The following CCR6 variants were observed in gnomAD, a reference collection of about 807,000 sequenced individuals.
The protein encoded by CCR6 is C-C chemokine receptor type 6.
Under a neutral mutation model 3.0 loss-of-function variants are expected in CCR6, and 2 were observed. The observed-to-expected ratio is 0.66, with a 90% CI of 0.27 to 2.07. The LOEUF is 2.07. Ranked by LOEUF, CCR6 falls within the 30% of genes most tolerant of loss-of-function variation. The pLI is 0.14. For missense variants in CCR6, 322 were observed against 462.8 expected, an observed-to-expected ratio of 0.70 and a Z score of 2.79; for synonymous variants, 193 against 184.3, an observed-to-expected ratio of 1.05 and a Z score of -0.38.
rs551786663 is a variant in CCR6 at position 167,133,407 on chromosome 6, C to T, written c.-97-2631C>T. Among the ~76,000 whole-genome samples the T allele has an allele frequency of 5.3e-5, 8 of 152,222 alleles. No individual in the cohort carries two copies. The South Asian group carries it at 1.0e-3, about 20-fold the overall frequency. The stretch of plus-strand genomic sequence containing the variant: ...TTGGCACCTAAGTTAAAAATCAGTC[C>T]GCCATCTATATGTGGATCTATGTCT... On this transcript the variant is annotated intron_variant, in intron 1 of 2. Transcript: ENST00000341935.
At chr6:167,129,714 A>G (rs534240968) in intron 1 of CCR6, 1 of 151,804 alleles carries the variant, frequency 6.6e-6, no homozygotes, top group Non-Finnish European at 1.5e-5. Flanking sequence ...TTCCTGGTGA[A>G]GGAGATACTC....
intron 1 of CCR6, among the ~76,000 whole-genome samples, chr6:167,130,973 A>T (rs5881730): frequency 1.2e-5 from 1 of 80,054 alleles, no homozygotes; most frequent in South Asian, 4.7e-4. Context: ...TCCCTCTGGG[A>T]CCACCCTCCC....
rs2114940109 is a variant in CCR6, at chr6:167,136,815, T to C, written c.585T>C (p.Asp195=). Residue 195 remains aspartate (D), a synonymous_variant, in exon 3 of 3, where the codon GAT becomes GAC. Coordinates refer to ENST00000341935, the MANE Select transcript of CCR6 (RefSeq NM_031409.4). The surrounding 1 kb of genome is among the most constrained non-coding windows in gnomAD (Gnocchi z 4.6). The part of the protein sequence containing the change: ...FNQKYNTQGS[D]VCEPKYQTVS... ...AAAAATACAACACCCAAGGCAGCGA[T>C]GTCTGTGAACCCAAGTACCAGACTG... is the stretch of plus-strand genomic sequence containing the variant. 2 of 1,614,144 alleles carry C rather than the reference T, an allele frequency of 1.2e-6. No individual in the cohort carries two copies. The highest frequency in any genetic ancestry group is 2.2e-5 in the South Asian group (2 of 91,086).
chr6:167,118,929 C>T (rs918966944), upstream of CCR6, among the ~76,000 whole-genome samples: 2 of 152,156 alleles, frequency 1.3e-5, no homozygotes, highest in Non-Finnish European at 2.9e-5. Context: ...GCAGGGCTGC[C>T]GCCAGGAGGA....
In CCR6 at chr6:167,138,289, T is replaced by G. The variant is rs1218891902; in HGVS notation, c.*934T>G. ...GTTTAAAATGTTAGATGTTTTTAATTTTTTAAATAAATGGAATACTTTTTT... is the reference window on the plus strand; with the variant it reads ...GTTTAAAATGTTAGATGTTTTTAATGTTTTAAATAAATGGAATACTTTTTT... On this transcript the variant is annotated 3_prime_UTR_variant, in exon 3 of 3. Transcript: ENST00000341935. 1 of 146,040 alleles carries G rather than the reference T, an allele frequency of 6.8e-6. No homozygotes were observed. The highest frequency in any genetic ancestry group is 2.6e-5 in the African/African-American group (1 of 38,934). The allele number at this position is 146,040 out of a possible 1,614,324, so 9.0% of individuals were successfully genotyped here.
intron 1 of CCR6, chr6:167,116,929 G>T (rs188661136): frequency 3.9e-5 from 6 of 152,412 alleles, no homozygotes; most frequent in African/African-American, 1.4e-4. Flanking sequence ...AACAGGAAGA[G>T]CCAGGAAGAT....
At chr6:167,132,479 GC>G (rs1182258088) in intron 1 of CCR6, among the ~76,000 whole-genome samples, 2 of 152,104 alleles carry the variant, frequency 1.3e-5, no homozygotes, top group Admixed American at 1.3e-4. Context: ...CCAGCTTCCA[GC>G]CCCCTGTTTA....
At chr6:167,120,036 G>A (rs1177092416), upstream of CCR6, among the ~76,000 whole-genome samples, 1 of 152,074 alleles carries the variant, frequency 6.6e-6, no homozygotes, top group African/African-American at 2.4e-5. Context: ...CAGAAGTTTT[G>A]TGCGCACAAT....
At chr6:167,117,415 CTTTTTT>C (rs35058463) in intron 1 of CCR6, among the ~76,000 whole-genome samples, 1 of 109,914 alleles carries the variant, frequency 9.1e-6, no homozygotes, top group African/African-American at 3.7e-5. Flanking sequence ...TTTTTTTTTT[CTTTTTT>C]TTTTTTTTTT....
At chr6:167,117,403 CT>C (rs1304218953) in intron 1 of CCR6, among the ~76,000 whole-genome samples, 15 of 105,010 alleles carry the variant, frequency 1.4e-4, no homozygotes, top group South Asian at 6.1e-4. Context: ...ACTCTATTTT[CT>C]TTTTTTTTTT....
Position 167,129,256 on chromosome 6 carries a change from G to GT in CCR6, c.-98+6034dup, listed in dbSNP as rs544240888. ...TTGCTTATAAGTTTCAGATTTTATC[G>GT]TAAGTGTTCAATGTCTGTAACACCT... On this transcript the variant is annotated intron_variant, in intron 1 of 2. Transcript: ENST00000341935. 1.2e-4 allele frequency among the ~76,000 whole-genome samples: 18 copies of GT among 152,206 alleles called. No individual in the cohort carries two copies. In the South Asian group the frequency reaches 3.7e-3, roughly 32 times the overall value.
upstream of CCR6, among the ~76,000 whole-genome samples, chr6:167,119,515 C>T (rs1446997454): frequency 3.3e-5 from 5 of 152,146 alleles, no homozygotes; most frequent in African/African-American, 1.2e-4. Flanking sequence ...TAATTTATAA[C>T]AGGTGTTCTC....
upstream of CCR6, among the ~76,000 whole-genome samples, chr6:167,120,483 G>T (rs1781569130): frequency 6.6e-6 from 1 of 152,296 alleles, no homozygotes; most frequent in East Asian, 1.9e-4. Flanking sequence ...CCTCCAGTGT[G>T]TGCAGAGCCT....
At chr6:167,134,039 TG>T (rs1378218720) in intron 1 of CCR6, among the ~76,000 whole-genome samples, 1 of 150,188 alleles carries the variant, frequency 6.7e-6, no homozygotes, top group Non-Finnish European at 1.5e-5. Flanking sequence ...TCACCTCCCA[TG>T]CCCTCCACCC....
intron 1 of CCR6, among the ~76,000 whole-genome samples, chr6:167,131,940 A>G (rs1680353570): frequency 6.6e-6 from 1 of 152,200 alleles, no homozygotes; most frequent in African/African-American, 2.4e-5. Context: ...ATCAGGATAG[A>G]GGACATTTCT....
intron 1 of CCR6, among the ~76,000 whole-genome samples, chr6:167,134,652 G>A (rs1033692990): frequency 9.9e-5 from 15 of 152,164 alleles, no homozygotes; most frequent in African/African-American, 3.4e-4. Flanking sequence ...CACAGTGTGG[G>A]GGCGAGGAGG....
intron 1 of CCR6, among the ~76,000 whole-genome samples, chr6:167,124,857 A>G (rs1290891510): frequency 6.6e-6 from 1 of 151,870 alleles, no homozygotes; most frequent in Non-Finnish European, 1.5e-5. Context: ...CCATATGTAC[A>G]CACACACAGT....
chr6:167,137,076 T>C lies in CCR6; in HGVS notation c.846T>C (p.Gly282=), dbSNP rs746509567. 7 of 1,614,100 alleles carry C rather than the reference T, an allele frequency of 4.3e-6. No individual in the cohort carries two copies. The highest frequency in any genetic ancestry group is 5.1e-6 in the Non-Finnish European group (6 of 1,180,030). ...MVLLVTAANL[G]KMNRSCQSEK... The stretch of plus-strand genomic sequence containing the variant: ...TGCTTGTGACGGCTGCAAATTTGGG[T>C]AAAATGAACCGATCCTGCCAGAGCG... The change falls in exon 3 of 3, where the codon GGT becomes GGC. Residue 282 remains glycine, a synonymous_variant. Coordinates refer to ENST00000341935, the MANE Select transcript of CCR6 (RefSeq NM_031409.4). This position sits in a 1 kb window ranked among gnomAD's most constrained non-coding sequence, Gnocchi z 4.6.
chr6:167,137,271 C>A lies in CCR6; in HGVS notation c.1041C>A (p.Ser347=), dbSNP rs1781863958. ...GGAAGTACAAGTCCTCAGGCTTCTC[C>A]TGTGCCGGGAGGTACTCAGAAAACA... The part of the protein sequence containing the change: ...VRRKYKSSGF[S]CAGRYSENIS... Residue 347 remains serine, a synonymous_variant, in exon 3 of 3, where the codon TCC becomes TCA. Transcript: ENST00000341935. The surrounding 1 kb of genome is among the most constrained non-coding windows in gnomAD (Gnocchi z 4.6). 1.2e-6 allele frequency: 2 copies of A among 1,614,036 alleles called. No individual in the cohort carries two copies. The highest frequency in any genetic ancestry group is 2.2e-5 in the South Asian group (2 of 91,070).
Sources: allele counts gnomAD v4.1 joint callset (sites outside exome capture counted in the v4.1 genomes callset), GRCh38; gene constraint gnomAD v4.1.1; non-coding constraint Gnocchi (gnomAD v3.1); transcripts MANE v1.5; gene names NCBI Gene and HGNC (gene_info 2026-07-23, HGNC 2026-07-21).